The following SCYL1 variants were observed in gnomAD, a reference collection of about 807,000 sequenced individuals.
The protein encoded by SCYL1 is N-terminal kinase-like protein.
In SCYL1, 85 loss-of-function variants were observed where a neutral mutation model predicts 94.8. The ratio of observed to expected loss-of-function variants is 0.90; its 90% CI spans 0.75 to 1.07. SCYL1 has a LOEUF of 1.07. Ranked by LOEUF, SCYL1 falls within the 50% of genes least tolerant of loss-of-function variation. SCYL1 has a pLI of 0.00. For synonymous variants in SCYL1, 459 were observed against 435.5 expected, an observed-to-expected ratio of 1.05 and a Z score of -0.67; for missense variants, 968 against 1,083.3, an observed-to-expected ratio of 0.89 and a Z score of 1.49.
At chr11:65,532,268 T>C (rs1855413863) in intron 8 of SCYL1, among the ~76,000 whole-genome samples, 1 of 151,846 alleles carries the variant, frequency 6.6e-6, no homozygotes, top group African/African-American at 2.4e-5. Flanking sequence ...CTACTAAAAA[T>C]ACAAAAATTA....
intron 6 of SCYL1, among the ~76,000 whole-genome samples, 186 bp downstream of exon 6, chr11:65,527,303 C>G (rs936096597): frequency 6.6e-6 from 1 of 152,154 alleles, no homozygotes; most frequent in Non-Finnish European, 1.5e-5. Context: ...GAAGTTCAGT[C>G]CCAATAATAG....
rs578136317 is a variant in SCYL1 at position 65,532,950 on chromosome 11, C to T, written c.1230+145C>T. On this transcript the variant is annotated intron_variant, in intron 9 of 17. Transcript: ENST00000270176. ...GTGGGTTCAGGCCGTGGGTGCAGCT[C>T]GGCAGCTGGCGGGGGAGCACGTCCT... is the stretch of plus-strand genomic sequence containing the variant. 32 of 625,536 alleles carry T rather than the reference C, an allele frequency of 5.1e-5. No individual in the cohort carries two copies. In the African/African-American group the frequency reaches 5.3e-4, roughly 10 times the overall value. The allele number at this position is 625,536 out of a possible 1,614,324, so 38.7% of individuals were successfully genotyped here.
At chr11:65,529,252 C>T (rs897832279) in intron 6 of SCYL1, among the ~76,000 whole-genome samples, 2 of 152,174 alleles carry the variant, frequency 1.3e-5, no homozygotes, top group African/African-American at 2.4e-5. Context: ...CTGCTGGAAA[C>T]GCTGAGACCC....
intron 13 of SCYL1, 78 bp from the exon 14 acceptor site, chr11:65,536,908 C>A: frequency 1.6e-6 from 2 of 1,241,384 alleles, no homozygotes; most frequent in East Asian, 4.8e-5. Flanking sequence ...CCCCTTCCCC[C>A]CAGTAGCCCC....
intron 9 of SCYL1, among the ~76,000 whole-genome samples, chr11:65,533,819 A>T (rs545050956): frequency 3.3e-5 from 5 of 151,968 alleles, no homozygotes; most frequent in African/African-American, 1.2e-4. Context: ...CTGGTGGCCC[A>T]TGCCTGTAAT....
intron 6 of SCYL1, 27 bp from the exon 7 acceptor site, chr11:65,530,601 TC>T: frequency 6.3e-7 from 1 of 1,599,140 alleles, no homozygotes; most frequent in Non-Finnish European, 8.5e-7. Context: ...GCTGATCTCT[TC>T]CCCGGGTCCC....
At chr11:65,535,602 G>T in intron 10 of SCYL1, 1 of 646,174 alleles carries the variant, frequency 1.5e-6, no homozygotes, top group Non-Finnish European at 2.6e-6. Context: ...TTGGCCCCAT[G>T]GCCTGTGTGC....
chr11:65,532,986 G>T lies in SCYL1; in HGVS notation c.1230+181G>T. On this transcript the variant is annotated intron_variant, in intron 9 of 17. Coordinates refer to ENST00000270176, the MANE Select transcript of SCYL1 (RefSeq NM_020680.4). ...GGGGGAGCACGTCCTCCATTCAGCAGACAACGAGCATCTGCCTGTTCCTGG... is the reference window on the plus strand; with the variant it reads ...GGGGGAGCACGTCCTCCATTCAGCATACAACGAGCATCTGCCTGTTCCTGG... 5.1e-6 allele frequency: 3 copies of T among 584,496 alleles called. No homozygotes were observed. The Admixed American group carries it at 8.1e-5, about 16-fold the overall frequency. The allele number at this position is 584,496 out of a possible 1,614,324, so 36.2% of individuals were successfully genotyped here. A position where few individuals can be genotyped will look rare whatever the true frequency, so the allele number is the denominator to read the frequency against.
At chr11:65,527,165 G>T in intron 6 of SCYL1, 48 bp downstream of exon 6, 1 of 1,589,620 alleles carries the variant, frequency 6.3e-7, no homozygotes, top group African/African-American at 1.3e-5. Context: ...TTTTCATTCT[G>T]CCCCTACCCT....
intron 8 of SCYL1, among the ~76,000 whole-genome samples, chr11:65,532,427 A>G (rs1458290121): frequency 6.9e-5 from 5 of 72,480 alleles, no homozygotes; most frequent in African/African-American, 9.5e-5. Flanking sequence ...TCTGTCTCAG[A>G]AAAAAAAAAA....
In SCYL1 at chr11:65,536,770, T is replaced by C. The variant is rs1397897240; in HGVS notation, c.1816+20T>C. On this transcript the variant is annotated intron_variant, in intron 13 of 17. Coordinates refer to ENST00000270176, the MANE Select transcript of SCYL1 (RefSeq NM_020680.4). ...CTGAAGGTGAGTGTCCTGGCCTAGC[T>C]GCATCAGTGGCTGAGAGGGCTGAGA... 2 of 1,582,160 alleles carry C rather than the reference T, an allele frequency of 1.3e-6. No homozygotes were observed. Among genetic ancestry groups the C allele is most frequent in the Non-Finnish European group, 1.7e-6 (2 of 1,159,698 alleles).
At chr11:65,538,224 C>T (rs1257794082) in intron 16 of SCYL1, 42 bp downstream of exon 16, 2 of 1,556,896 alleles carry the variant, frequency 1.3e-6, no homozygotes, top group Non-Finnish European at 1.7e-6. Context: ...GATGGTGGAC[C>T]TCAGCCAGAA....
chr11:65,538,576 G>A lies in SCYL1; in HGVS notation c.*10G>A, dbSNP rs1855854886. 1 of 1,607,696 alleles carries A rather than the reference G, an allele frequency of 6.2e-7. No homozygotes were observed. Among genetic ancestry groups the A allele is most frequent in the Non-Finnish European group, 8.5e-7 (1 of 1,177,184 alleles). On this transcript the variant is annotated 3_prime_UTR_variant, in exon 18 of 18. Coordinates refer to ENST00000270176, the MANE Select transcript of SCYL1 (RefSeq NM_020680.4). Reference sequence around the variant, plus strand: ...CCGGAAGCTGGACTGAACCGTGGCGGTGGCCCTTCCCGGCTGCGGAGAGCC... The same window carrying A: ...CCGGAAGCTGGACTGAACCGTGGCGATGGCCCTTCCCGGCTGCGGAGAGCC...
At chr11:65,531,827 T>C in intron 8 of SCYL1, 144 bp downstream of exon 8, 1 of 648,216 alleles carries the variant, frequency 1.5e-6, no homozygotes, top group Non-Finnish European at 2.7e-6. Flanking sequence ...GAGGCCAGGC[T>C]CTCAGAAAGT....
intron 6 of SCYL1, among the ~76,000 whole-genome samples, chr11:65,529,387 G>A (rs2135048583): frequency 6.6e-6 from 1 of 152,344 alleles, no homozygotes; most frequent in South Asian, 2.1e-4. Context: ...GGTTTCGGGA[G>A]CCTCCAGGAG....
intron 6 of SCYL1, among the ~76,000 whole-genome samples, chr11:65,528,496 C>A (rs907787537): frequency 6.6e-6 from 1 of 151,530 alleles, no homozygotes; most frequent in Admixed American, 6.6e-5. Flanking sequence ...CGGTGGCTCC[C>A]GCCTGTAAAC....
chr11:65,525,110 G>GACCCGGAGCTAAGGC lies in SCYL1; in HGVS notation c.-43_-29dup. ...CCCGCCCCGGCTCGGGCGGCCGGAGGACCCGGAGCTAAGGCGCCCGAACCC... is the reference window on the plus strand; with the variant it reads ...CCCGCCCCGGCTCGGGCGGCCGGAGGACCCGGAGCTAAGGCACCCGGAGCTAAGGCGCCCGAACCC... On this transcript the variant is annotated 5_prime_UTR_variant, in exon 1 of 18. Transcript: ENST00000270176. The GACCCGGAGCTAAGGC allele has an allele frequency of 8.0e-7, 1 of 1,250,346 alleles. No homozygotes were observed. Among genetic ancestry groups the GACCCGGAGCTAAGGC allele is most frequent in the East Asian group, 3.2e-5 (1 of 31,252 alleles). 77.5% of individuals were successfully genotyped at this position (1,250,346 alleles called of 1,614,324 possible).
In SCYL1 at chr11:65,535,955, C is replaced by G. The variant is rs1376375175; in HGVS notation, c.1389C>G (p.Thr463=). 7 of 1,583,602 alleles carry G rather than the reference C, an allele frequency of 4.4e-6. No homozygotes were observed. Among genetic ancestry groups the G allele is most frequent in the Non-Finnish European group, 4.3e-6 (5 of 1,164,180 alleles). Residue 463 remains threonine (T), a splice_region_variant and synonymous_variant, in exon 11 of 18, where the codon ACC becomes ACG. Coordinates refer to ENST00000270176, the MANE Select transcript of SCYL1 (RefSeq NM_020680.4). Reference sequence around the variant, plus strand: ...CCCTCTTTCCTGCCCCATCGTAGACCAGACACAGGGTCCTTACCTCTGCCT... The same window carrying G: ...CCCTCTTTCCTGCCCCATCGTAGACGAGACACAGGGTCCTTACCTCTGCCT... ...GKIGSYLSAS[T]RHRVLTSAFS...
rs758988026 is a variant in SCYL1 at position 65,525,578 on chromosome 11, C to T, written c.116C>T (p.Thr39Ile). 1.2e-6 allele frequency: 2 copies of T among 1,612,150 alleles called. No homozygotes were observed. The highest frequency in any genetic ancestry group is 1.7e-6 in the Non-Finnish European group (2 of 1,179,904). ...GGCCCCGCTGCCCTCCCCTAGGCCA[C>T]AGGCAGCCCCGTGTCCATCTTCGTC... ...WALHRGRKKATGSPVSIFVYD... is the reference protein window; with the variant it reads ...WALHRGRKKAIGSPVSIFVYD... The change falls in exon 2 of 18, where the codon ACA (threonine) becomes ATA (isoleucine). Residue 39 changes from threonine (T) to isoleucine (I), a missense_variant. Physicochemically the swap from Thr to Ile is moderately conservative, Grantham distance 89. This residue lies in a region of SCYL1 where 494 missense variants were observed against 619.7 expected (regional missense o/e 0.80). Coordinates refer to ENST00000270176, the MANE Select transcript of SCYL1 (RefSeq NM_020680.4).
Sources: allele counts gnomAD v4.1 joint callset (sites outside exome capture counted in the v4.1 genomes callset), GRCh38; gene constraint gnomAD v4.1.1; regional missense constraint gnomAD v4.1.1; transcripts MANE v1.5; gene names NCBI Gene and HGNC (gene_info 2026-07-23, HGNC 2026-07-21).